AKT3: variants seen among roughly 807,000 people sequenced by gnomAD.
AKT3 encodes the protein AKT serine/threonine kinase 3.
A neutral mutation model predicts 65.3 loss-of-function variants in AKT3; 15 were observed. That is an observed-to-expected ratio of 0.23 (90% confidence interval 0.15 to 0.35). The LOEUF is 0.35. AKT3 is among the 10% of genes least tolerant of loss of function. AKT3 has a pLI of 1.00. For missense variants in AKT3, 243 were observed against 576.5 expected, an observed-to-expected ratio of 0.42 and a Z score of 5.92; for synonymous variants, 206 against 183.8, an observed-to-expected ratio of 1.12 and a Z score of -0.98.
intron 12 of AKT3, among the ~76,000 whole-genome samples, chr1:243,516,327 T>C (rs1459268349): frequency 4.6e-5 from 7 of 152,236 alleles, no homozygotes; most frequent in African/African-American, 1.7e-4. Flanking sequence ...TTAATACCAA[T>C]AGAATCTGTA....
intron 3 of AKT3, among the ~76,000 whole-genome samples, chr1:243,674,193 G>A (rs541213942): frequency 1.3e-5 from 2 of 152,064 alleles, no homozygotes; most frequent in African/African-American, 4.8e-5. Context: ...ATTAATTCAG[G>A]CAAAAATCAC....
intron 8 of AKT3, among the ~76,000 whole-genome samples, chr1:243,590,538 C>T (rs1488542484): frequency 6.6e-6 from 1 of 151,554 alleles, no homozygotes; most frequent in Non-Finnish European, 1.5e-5. Flanking sequence ...ACCTAAAAAT[C>T]AGAGATGATG....
intron 10 of AKT3, among the ~76,000 whole-genome samples, chr1:243,556,279 T>C (rs955279303): frequency 2.6e-5 from 4 of 152,186 alleles, no homozygotes; most frequent in African/African-American, 9.7e-5. Context: ...CATTAGTTTT[T>C]GAATTGTTAT....
chr1:243,814,804 A>C (rs780716436), intron 2 of AKT3: 1 of 152,244 alleles, frequency 6.6e-6, no homozygotes, highest in Non-Finnish European at 1.5e-5. Flanking sequence ...CTGTTGGGTC[A>C]GGAATTCAAG....
At chr1:243,645,811 CATCT>C in intron 5 of AKT3, 78 bp downstream of exon 5, 2 of 1,356,260 alleles carry the variant, frequency 1.5e-6, no homozygotes, top group Non-Finnish European at 2.0e-6. Context: ...AACTGGCTGA[CATCT>C]TTCTGCAAAT....
Position 243,502,024 on chromosome 1 carries a change from A to T in AKT3, c.*3225T>A, listed in dbSNP as rs1463487117. On this transcript the variant is annotated 3_prime_UTR_variant, in exon 14 of 14. Coordinates refer to ENST00000673466, the MANE Select transcript of AKT3 (RefSeq NM_005465.7). Reference sequence around the variant, plus strand: ...AGATGACTAGATCTTGCGCAGATCTAATGAAAGAACTAGCAAGGTCAAGAA... The same window carrying T: ...AGATGACTAGATCTTGCGCAGATCTTATGAAAGAACTAGCAAGGTCAAGAA... 2.2e-5 allele frequency: 5 copies of T among 232,548 alleles called. No individual in the cohort carries two copies. The highest frequency in any genetic ancestry group is 3.4e-5 in the Non-Finnish European group (4 of 117,738). The allele number at this position is 232,548 out of a possible 1,614,324, so 14.4% of individuals were successfully genotyped here.
chr1:243,748,095 A>C (rs12125920), intron 2 of AKT3, among the ~76,000 whole-genome samples: 77,088 of 152,042 alleles, frequency 0.51, 23,605 homozygotes, highest in Non-Finnish European at 0.68. Flanking sequence ...TATATCTTTT[A>C]AAACATATAG....
chr1:243,623,478 A>C (rs1678918816), intron 6 of AKT3, among the ~76,000 whole-genome samples: 1 of 152,148 alleles, frequency 6.6e-6, no homozygotes, highest in African/African-American at 2.4e-5. Context: ...AGAAATATTC[A>C]CCCACAATGT....
chr1:243,536,320 T>C (rs1204928441), intron 12 of AKT3, among the ~76,000 whole-genome samples: 1 of 152,190 alleles, frequency 6.6e-6, no homozygotes, highest in Non-Finnish European at 1.5e-5. Context: ...TCCGGAAGAA[T>C]TTTTCATAGG....
chr1:243,646,727 G>C (rs1409240928), intron 4 of AKT3, among the ~76,000 whole-genome samples: 1 of 151,994 alleles, frequency 6.6e-6, no homozygotes, highest in African/African-American at 2.4e-5. Flanking sequence ...GCTATTTTAA[G>C]TCCATCATTG....
chr1:243,642,307 T>G (rs187728637), intron 5 of AKT3, among the ~76,000 whole-genome samples: 20 of 152,296 alleles, frequency 1.3e-4, no homozygotes, highest in African/African-American at 3.6e-4. Context: ...AAGTCCTTTT[T>G]TTTGTTTGTT....
At chr1:243,604,910 A>T (rs1316202695) in intron 8 of AKT3, among the ~76,000 whole-genome samples, 1 of 152,234 alleles carries the variant, frequency 6.6e-6, no homozygotes, top group Non-Finnish European at 1.5e-5. Flanking sequence ...AAATAATCAA[A>T]TCACTCCCAA....
chr1:243,713,590 C>T (rs989352887), intron 2 of AKT3, among the ~76,000 whole-genome samples: 2 of 151,890 alleles, frequency 1.3e-5, no homozygotes, highest in Non-Finnish European at 2.9e-5. Flanking sequence ...TTTCTTCTCC[C>T]TATCTGGCAG....
chr1:243,845,588 C>CA (rs10648820), intron 1 of AKT3, among the ~76,000 whole-genome samples: 1,621 of 79,338 alleles, frequency 0.02, 45 homozygotes, highest in Non-Finnish European at 0.028. Flanking sequence ...GAACCTGTCT[C>CA]AAAAAAAAAA....
intron 5 of AKT3, 126 bp downstream of exon 5, chr1:243,645,767 T>A (rs1680762660): frequency 1.1e-6 from 1 of 948,126 alleles, no homozygotes. Context: ...TTCATGTGAA[T>A]AAGACCCACC....
At chr1:243,667,741 A>C (rs1198277617) in intron 3 of AKT3, among the ~76,000 whole-genome samples, 1 of 152,168 alleles carries the variant, frequency 6.6e-6, no homozygotes, top group African/African-American at 2.4e-5. Flanking sequence ...AAGGCCTTTA[A>C]GTGATCAGCA....
At chr1:243,802,541 G>A (rs959466934) in intron 2 of AKT3, among the ~76,000 whole-genome samples, 1 of 152,132 alleles carries the variant, frequency 6.6e-6, no homozygotes, top group Non-Finnish European at 1.5e-5. Context: ...GCAAGTTTGG[G>A]AAGAGAAGCT....
chr1:243,609,866 G>A (rs763930708), intron 8 of AKT3, among the ~76,000 whole-genome samples: 7 of 151,930 alleles, frequency 4.6e-5, no homozygotes, highest in South Asian at 2.1e-4. Context: ...TAAGTACTCC[G>A]GGTTTAGAAA....
intron 4 of AKT3, among the ~76,000 whole-genome samples, chr1:243,648,811 C>T (rs534106298): frequency 6.6e-6 from 1 of 152,052 alleles, no homozygotes; most frequent in East Asian, 1.9e-4. Context: ...CCCTCTTTTT[C>T]CTTTAACAAT....
Sources: allele counts gnomAD v4.1 joint callset (sites outside exome capture counted in the v4.1 genomes callset), GRCh38; gene constraint gnomAD v4.1.1; transcripts MANE v1.5; gene names NCBI Gene and HGNC (gene_info 2026-07-23, HGNC 2026-07-21).